The following MINDY2 variants were observed in gnomAD, a reference collection of about 807,000 sequenced individuals.
MINDY2 encodes the protein MINDY lysine 48 deubiquitinase 2, also known as ubiquitin carboxyl-terminal hydrolase MINDY-2.
MINDY2 carries 52 observed loss-of-function variants against 68.2 expected under a neutral mutation model. That is an observed-to-expected ratio of 0.76 (90% confidence interval 0.61 to 0.96). The LOEUF (loss-of-function observed/expected upper bound fraction) is 0.96, where lower values mean the gene tolerates loss of function less well. MINDY2 is among the 40% of genes least tolerant of loss of function. MINDY2 has a pLI of 0.00. For missense variants in MINDY2, 881 were observed against 773.4 expected (o/e 1.14, Z -1.65); for synonymous variants, 372 against 303.0 (o/e 1.23, Z -2.36).
At chr15:58,779,765 T>C (rs1366834130) in intron 1 of MINDY2, among the ~76,000 whole-genome samples, 1 of 152,192 alleles carries the variant, frequency 6.6e-6, no homozygotes, top group African/African-American at 2.4e-5. Flanking sequence ...ATTTGTAAGA[T>C]AAGGTAGACA....
At chr15:58,834,507 A>C (rs1414879935) in intron 6 of MINDY2, among the ~76,000 whole-genome samples, 1 of 152,018 alleles carries the variant, frequency 6.6e-6, no homozygotes, top group African/African-American at 2.4e-5. Flanking sequence ...CCTACCACCA[A>C]CTCCATTAAA....
At chr15:58,853,279 A>G (rs150084954) in intron 8 of MINDY2, among the ~76,000 whole-genome samples, 33 of 152,112 alleles carry the variant, frequency 2.2e-4, no homozygotes, top group African/African-American at 7.9e-4. Flanking sequence ...ATTCAGATAC[A>G]TAAGAAATTC....
chr15:58,821,671 G>C, intron 4 of MINDY2, 46 bp from the exon 5 acceptor site: 1 of 1,196,718 alleles, frequency 8.4e-7, no homozygotes, highest in Non-Finnish European at 1.2e-6. Flanking sequence ...CTTTTGTTTT[G>C]TTCCTAATCT....
intron 5 of MINDY2, among the ~76,000 whole-genome samples, chr15:58,822,443 T>C (rs1446949660): frequency 6.6e-6 from 1 of 152,190 alleles, no homozygotes; most frequent in Non-Finnish European, 1.5e-5. Context: ...AAATGTTTAT[T>C]ATTTAGGAGT....
rs774394847 is a variant in MINDY2, at chr15:58,851,964, A to G, written c.1736A>G (p.Gln579Arg). 1 of 1,573,486 alleles carries G rather than the reference A, an allele frequency of 6.4e-7. No homozygotes were observed. Among genetic ancestry groups the G allele is most frequent in the South Asian group, 1.2e-5 (1 of 85,158 alleles). The change falls in exon 8 of 9, where the codon CAG becomes CGG. Residue 579 changes from glutamine to arginine, a missense_variant and splice_region_variant. Coordinates refer to ENST00000559228, the MANE Select transcript of MINDY2 (RefSeq NM_001040450.3). ...AAAAAASTQA[Q>R]QGQPAQASPS... ...GCTGCTGCTGCTTCTACACAGGCTC[A>G]GGTAAAAACTAGTGTTTTGAGTCTT...
chr15:58,828,575 C>CTTTTT (rs1163905877), intron 5 of MINDY2, among the ~76,000 whole-genome samples: 36 of 106,138 alleles, frequency 3.4e-4, no homozygotes, highest in South Asian at 6.2e-4. Flanking sequence ...TATTGAATTT[C>CTTTTT]TTTTTTTTTT....
At chr15:58,821,233 A>G (rs1373759256) in intron 4 of MINDY2, among the ~76,000 whole-genome samples, 1 of 151,766 alleles carries the variant, frequency 6.6e-6, no homozygotes, top group African/African-American at 2.4e-5. Flanking sequence ...ATACTTTTCT[A>G]GGAAATAAGT....
intron 2 of MINDY2, among the ~76,000 whole-genome samples, chr15:58,791,664 G>GTA (rs1901946061): frequency 7.1e-6 from 1 of 139,870 alleles, no homozygotes. Context: ...GTGTGTGTAT[G>GTA]TGTGTGTGTG....
chr15:58,838,379 C>A (rs2032106784), intron 6 of MINDY2, among the ~76,000 whole-genome samples: 1 of 151,846 alleles, frequency 6.6e-6, no homozygotes, highest in Non-Finnish European at 1.5e-5. Flanking sequence ...GCCTGGGTGA[C>A]AGAGCGAGAC....
intron 8 of MINDY2, among the ~76,000 whole-genome samples, chr15:58,852,944 TTTTTTTTTTTTTTTTTTTTTTTTTTTAAG>T (rs2032901175): frequency 3.4e-5 from 1 of 29,416 alleles, no homozygotes; most frequent in Admixed American, 4.5e-4. Context: ...TTTTTTTTTT[TTTTTTTTTTTTTTTTTTTTTTTTTTTAAG>T]ACAGAGTCTC....
chr15:58,797,779 C>A (rs1288947100), intron 2 of MINDY2, among the ~76,000 whole-genome samples: 1 of 152,076 alleles, frequency 6.6e-6, no homozygotes, highest in East Asian at 1.9e-4. Context: ...CCTTCTGAGA[C>A]AAAATGAGCT....
chr15:58,802,518 C>G, intron 3 of MINDY2, 141 bp downstream of exon 3: 1 of 452,540 alleles, frequency 2.2e-6, no homozygotes, highest in Non-Finnish European at 3.9e-6. Flanking sequence ...TGGTCAGTCT[C>G]TATTACATAT....
At chr15:58,806,327 C>T (rs574545283) in intron 3 of MINDY2, among the ~76,000 whole-genome samples, 1 of 150,164 alleles carries the variant, frequency 6.7e-6, no homozygotes, top group East Asian at 2.0e-4. Context: ...ACCTGTCTGG[C>T]ATTACAGGCG....
chr15:58,788,697 A>G (rs952923940), intron 2 of MINDY2, among the ~76,000 whole-genome samples: 2 of 152,182 alleles, frequency 1.3e-5, no homozygotes, highest in African/African-American at 4.8e-5. Context: ...TCCATATTCT[A>G]CAGTTTTTTC....
intron 4 of MINDY2, chr15:58,815,819 A>G (rs763587065): frequency 1.4e-4 from 21 of 152,088 alleles, no homozygotes; most frequent in Non-Finnish European, 2.9e-4. Context: ...AGCTGGGACT[A>G]TAGGCGCGCA....
chr15:58,790,390 C>T (rs1176666693), intron 2 of MINDY2, among the ~76,000 whole-genome samples: 3 of 152,010 alleles, frequency 2.0e-5, no homozygotes, highest in African/African-American at 7.3e-5. Flanking sequence ...AAGGAGTACA[C>T]AAAGGGGAGT....
chr15:58,817,140 T>C (rs766247931), intron 4 of MINDY2, among the ~76,000 whole-genome samples: 1 of 152,186 alleles, frequency 6.6e-6, no homozygotes, highest in Non-Finnish European at 1.5e-5. Context: ...TGAGAATTTG[T>C]GTTCATCTAA....
At position 58,772,090 on chromosome 15, in the gene MINDY2, C is replaced by A. The variant is rs1282626690; in HGVS notation, c.695C>A (p.Ala232Asp). ...EGEETAQVLAASKERFPGQSV... is the reference protein window; with the variant it reads ...EGEETAQVLADSKERFPGQSV... The stretch of plus-strand genomic sequence containing the variant: ...GAGGAGACCGCTCAGGTGCTGGCGG[C>A]CTCCAAGGAACGCTTCCCGGGACAA... Residue 232 changes from alanine (A) to aspartate (D), a missense_variant, in exon 1 of 9, where the codon GCC becomes GAC. Transcript: ENST00000559228. 9 of 1,613,432 alleles carry A rather than the reference C, an allele frequency of 5.6e-6. No homozygotes were observed. Among genetic ancestry groups the A allele is most frequent in the Non-Finnish European group, 7.6e-6 (9 of 1,179,668 alleles).
chr15:58,822,578 C>A (rs1387734196), intron 5 of MINDY2, among the ~76,000 whole-genome samples: 19 of 152,020 alleles, frequency 1.2e-4, no homozygotes, highest in Admixed American at 1.2e-3. Flanking sequence ...ATATTAAAGC[C>A]CCATTCTGGA....
Sources: gnomAD v4.1 joint callset for allele counts (sites outside exome capture counted in the v4.1 genomes callset) on GRCh38, gnomAD v4.1.1 for gene constraint, MANE v1.5 for transcripts, NCBI Gene and HGNC (gene_info 2026-07-23, HGNC 2026-07-21) for gene names.